The following COL5A3 variants were observed in gnomAD, a reference collection of about 807,000 sequenced individuals.
COL5A3 encodes collagen type V alpha 3 chain, also known as collagen alpha-3(V) chain.
Under a neutral mutation model 250.0 loss-of-function variants are expected in COL5A3, and 172 were observed. The observed-to-expected ratio is 0.69, with a 90% confidence interval of 0.61 to 0.78. The LOEUF (loss-of-function observed/expected upper bound fraction) is 0.78. COL5A3 is among the 30% of genes least tolerant of loss of function. The probability of loss-of-function intolerance (pLI) is 0.00; values close to 1 mark genes in which losing one functional copy is unlikely to be tolerated. For synonymous variants in COL5A3, 937 were observed against 900.4 expected, an observed-to-expected ratio of 1.04 and a Z score of -0.73; for missense variants, 2,340 against 2,334.4, an observed-to-expected ratio of 1.00 and a Z score of -0.05.
chr19:9,961,385 G>T (rs2145042403), intron 65 of COL5A3, among the ~76,000 whole-genome samples: 1 of 152,054 alleles, frequency 6.6e-6, no homozygotes, highest in South Asian at 2.1e-4. Flanking sequence ...GGGGGTAAGG[G>T]TTGGGATCTT....
intron 45 of COL5A3, 127 bp from the exon 46 acceptor site, chr19:9,974,535 T>A: frequency 1.5e-6 from 1 of 649,156 alleles, no homozygotes; most frequent in Non-Finnish European, 2.5e-6. Context: ...AGAGGGTCAG[T>A]GTTGAGTTGG....
chr19:9,996,813 G>A (rs2087280793), intron 11 of COL5A3, 124 bp from the exon 12 acceptor site: 2 of 678,216 alleles, frequency 2.9e-6, no homozygotes. Context: ...GAGAGACACA[G>A]AATCAAAGAG....
chr19:9,988,308 C>T (rs1389313688), intron 27 of COL5A3, among the ~76,000 whole-genome samples: 3 of 152,162 alleles, frequency 2.0e-5, no homozygotes, highest in Non-Finnish European at 4.4e-5. Flanking sequence ...TGATGCTTGC[C>T]AGACTCTGTG....
intron 48 of COL5A3, 42 bp downstream of exon 48, chr19:9,973,877 G>A: frequency 6.2e-7 from 1 of 1,602,238 alleles, no homozygotes; most frequent in Non-Finnish European, 8.5e-7. Context: ...GGAAATGGTT[G>A]TCCCCATCTC....
At chr19:9,999,359 A>AT (rs1260247682) in intron 8 of COL5A3, among the ~76,000 whole-genome samples, 2,924 of 141,208 alleles carry the variant, frequency 0.021, 97 homozygotes, top group African/African-American at 0.076. Context: ...ATGCCCAGCT[A>AT]TTTTTTATTT....
rs143805967 is a variant in COL5A3 at position 9,978,048 on chromosome 19, T to C, written c.3019-347A>G. Among the ~76,000 whole-genome samples the C allele has an allele frequency of 4.8e-3, 727 of 150,314 alleles. 7 individuals are homozygous for C. The highest frequency in any genetic ancestry group is 0.017 in the African/African-American group (689 of 41,050). On this transcript the variant is annotated intron_variant, in intron 41 of 66. Coordinates refer to ENST00000264828, the MANE Select transcript of COL5A3 (RefSeq NM_015719.4). ...TCTCAAACTCCTGGGCTCAAGCGAT[T>C]CTCCAGCCTCAGCCTCCCAAAGAGC...
At chr19:9,963,156 C>G (rs1173155305) in intron 64 of COL5A3, among the ~76,000 whole-genome samples, 2 of 152,192 alleles carry the variant, frequency 1.3e-5, no homozygotes, top group Non-Finnish European at 2.9e-5. Flanking sequence ...CTGTGCTACA[C>G]AGTCTCCCAG....
At chr19:9,996,974 G>A in intron 11 of COL5A3, 1 of 533,896 alleles carries the variant, frequency 1.9e-6, no homozygotes, top group Non-Finnish European at 3.3e-6. Context: ...GACAGAGAGA[G>A]ATAGACAGAG....
At chr19:9,978,286 T>C (rs1420689046) in intron 41 of COL5A3, among the ~76,000 whole-genome samples, 1 of 151,918 alleles carries the variant, frequency 6.6e-6, no homozygotes, top group Non-Finnish European at 1.5e-5. Flanking sequence ...GCAACAGAAC[T>C]GACCTTGGCT....
intron 8 of COL5A3, 90 bp downstream of exon 8, chr19:10,001,434 A>G: frequency 7.4e-7 from 1 of 1,352,506 alleles, no homozygotes; most frequent in Non-Finnish European, 1.0e-6. Flanking sequence ...GGCGGGAGCC[A>G]CTGCGCCCTG....
At position 9,994,559 on chromosome 19, in the gene COL5A3, CATATATATATATAT is replaced by C. The variant is rs57642882; in HGVS notation, c.1588-767_1588-754del. Among the ~76,000 whole-genome samples, 463 of 70,682 alleles carry C rather than the reference CATATATATATATAT, an allele frequency of 6.6e-3. 9 individuals carry two copies. The highest frequency in any genetic ancestry group is 0.013 in the South Asian group (22 of 1,640). 46.4% of individuals were successfully genotyped at this position (70,682 alleles called of 152,430 possible). ...AGGCTGGAGTTACATATATGTTTTA[CATATATATATATAT>C]ATATATATATATATATATATATATA... is the stretch of plus-strand genomic sequence containing the variant. On this transcript the variant is annotated intron_variant, in intron 16 of 66. Coordinates refer to ENST00000264828, the MANE Select transcript of COL5A3 (RefSeq NM_015719.4).
At chr19:9,994,019 C>T (rs1483720961) in intron 16 of COL5A3, among the ~76,000 whole-genome samples, 1 of 151,970 alleles carries the variant, frequency 6.6e-6, no homozygotes, top group Admixed American at 6.6e-5. Context: ...CCAGGCCTGG[C>T]TAATTTTTTA....
chr19:9,998,792 C>G (rs966271821), intron 8 of COL5A3, among the ~76,000 whole-genome samples: 1 of 151,758 alleles, frequency 6.6e-6, no homozygotes, highest in Non-Finnish European at 1.5e-5. Context: ...TCTAGCGATT[C>G]TCCTGCCTCA....
At chr19:9,967,272 TG>T in intron 62 of COL5A3, 74 bp downstream of exon 62, 1 of 1,150,516 alleles carries the variant, frequency 8.7e-7, no homozygotes, top group Non-Finnish European at 1.2e-6. Context: ...AAGGACCCTC[TG>T]GGGACACCCA....
At position 10,004,059 on chromosome 19, in the gene COL5A3, C is replaced by A; in HGVS notation, c.681G>T (p.Leu227=). The change falls in exon 5 of 67, where the codon CTG becomes CTT. Residue 227 remains leucine, a synonymous_variant. Transcript: ENST00000264828. ...CERYLPDCDN[L]APAATVAPQG... ...CACTCACCACTGTGGCTGCCGGTGCCAGGTTGTCACAGTCGGGGAGGTACC... is the reference window on the plus strand; with the variant it reads ...CACTCACCACTGTGGCTGCCGGTGCAAGGTTGTCACAGTCGGGGAGGTACC... 6.2e-7 allele frequency: 1 copy of A among 1,613,904 alleles called. No individual in the cohort carries two copies. The highest frequency in any genetic ancestry group is 1.1e-5 in the South Asian group (1 of 91,084).
At chr19:9,976,792 C>T (rs1436417725) in intron 44 of COL5A3, among the ~76,000 whole-genome samples, 181 bp from the exon 45 acceptor site, 5 of 152,122 alleles carry the variant, frequency 3.3e-5, no homozygotes, top group Admixed American at 2.6e-4. Flanking sequence ...ATCAGACAGA[C>T]GTCTGTCCTA....
At chr19:9,971,638 A>G (rs1271687910) in intron 51 of COL5A3, among the ~76,000 whole-genome samples, 1 of 152,066 alleles carries the variant, frequency 6.6e-6, no homozygotes, top group African/African-American at 2.4e-5. Context: ...ATGCCATTCA[A>G]GTCGAGGTCC....
rs116183598 is a variant in COL5A3 at position 9,977,801 on chromosome 19, T to C, written c.3019-100A>G. Reference sequence around the variant, plus strand: ...GCACTGAGTTCTGAGGTTACCAGGATTGTATCTAACCTGTTCCCCTCCTGC... The same window carrying C: ...GCACTGAGTTCTGAGGTTACCAGGACTGTATCTAACCTGTTCCCCTCCTGC... On this transcript the variant is annotated intron_variant, in intron 41 of 66. Transcript: ENST00000264828. The C allele has an allele frequency of 1.1e-3, 1,113 of 980,700 alleles. 9 individuals carry two copies. In the African/African-American group the frequency reaches 0.017, roughly 15 times the overall value. 60.7% of individuals were successfully genotyped at this position (980,700 alleles called of 1,614,324 possible).
chr19:9,976,567 T>G lies in COL5A3; in HGVS notation c.3333A>C (p.Pro1111=). 1 of 1,568,230 alleles carries G rather than the reference T, an allele frequency of 6.4e-7. No homozygotes were observed. Among genetic ancestry groups the G allele is most frequent in the Non-Finnish European group, 8.6e-7 (1 of 1,164,366 alleles). Residue 1111 remains proline (P), a synonymous_variant, in exon 45 of 67, where the codon CCA becomes CCC. Transcript: ENST00000264828. ...AGATGGGGGCACTCACCGGGGGACC[T>G]GGGTGTCCTGCAGGACCCCGTATCC... is the stretch of plus-strand genomic sequence containing the variant. ...QPGIRGPAGH[P]GPPGADGAQG...
Sources: allele counts gnomAD v4.1 joint callset (sites outside exome capture counted in the v4.1 genomes callset), GRCh38; gene constraint gnomAD v4.1.1; transcripts MANE v1.5; gene names NCBI Gene and HGNC (gene_info 2026-07-23, HGNC 2026-07-21).